The following SORCS2 variants were observed in gnomAD, a reference collection of about 807,000 sequenced individuals.
SORCS2 encodes sortilin related VPS10 domain containing receptor 2, also known as VPS10 domain-containing receptor SorCS2.
Under a neutral mutation model 141.6 loss-of-function variants are expected in SORCS2, and 100 were observed. The ratio of observed to expected loss-of-function variants is 0.71; its 90% CI spans 0.60 to 0.83. The LOEUF (loss-of-function observed/expected upper bound fraction) is 0.83. SORCS2 is among the 40% of genes least tolerant of loss of function. The pLI is 0.00. For missense variants in SORCS2, 1,646 were observed against 1,560.2 expected (o/e 1.05, Z -0.93); for synonymous variants, 789 against 676.9 (o/e 1.17, Z -2.57).
chr4:7,313,365 T>C (rs1718326174), intron 1 of SORCS2, among the ~76,000 whole-genome samples: 1 of 152,198 alleles, frequency 6.6e-6, no homozygotes, highest in Non-Finnish European at 1.5e-5. Flanking sequence ...GTCCTCCTCC[T>C]AAAGCCCTCA....
intron 2 of SORCS2, among the ~76,000 whole-genome samples, chr4:7,405,147 A>G (rs1724888913): frequency 1.3e-5 from 2 of 152,246 alleles, no homozygotes; most frequent in South Asian, 4.1e-4. Context: ...CAGCTTTGGC[A>G]AAAATGAGTT....
rs115190004 is a variant in SORCS2, at chr4:7,443,212, G to A, written c.548+46857G>A. On this transcript the variant is annotated intron_variant, in intron 2 of 26. Coordinates refer to ENST00000507866, the MANE Select transcript of SORCS2 (RefSeq NM_020777.3). The stretch of plus-strand genomic sequence containing the variant: ...CATATCTTTTTTTGGGAGGAAGGGG[G>A]CACAGTTCCACCCTCCACTGATGGA... Among the ~76,000 whole-genome samples the A allele has an allele frequency of 1.4e-3, 206 of 152,266 alleles. 1 individual carries two copies. Among genetic ancestry groups the A allele is most frequent in the African/African-American group, 4.8e-3 (200 of 41,556 alleles).
At chr4:7,356,743 G>C (rs1254232578) in intron 1 of SORCS2, among the ~76,000 whole-genome samples, 1 of 152,252 alleles carries the variant, frequency 6.6e-6, no homozygotes, top group African/African-American at 2.4e-5. Context: ...AGGCCTGGCT[G>C]TCCTGTTCAA....
rs895824773 is a variant in SORCS2 at position 7,531,518 on chromosome 4, C to G, written c.549-12C>G. The G allele has an allele frequency of 1.9e-5, 30 of 1,612,600 alleles. No individual in the cohort carries two copies. Among genetic ancestry groups the G allele is most frequent in the Non-Finnish European group, 2.2e-5 (26 of 1,179,076 alleles). On this transcript the variant is annotated splice_polypyrimidine_tract_variant and intron_variant, in intron 2 of 26. Coordinates refer to ENST00000507866, the MANE Select transcript of SORCS2 (RefSeq NM_020777.3). ...GGGTACATGGCTGACGGCTGTCCCC[C>G]TTTTCCCCCAGGTCATCAGATTTCG...
intron 3 of SORCS2, among the ~76,000 whole-genome samples, chr4:7,533,542 C>T (rs902066880): frequency 5.3e-5 from 8 of 152,238 alleles, no homozygotes; most frequent in South Asian, 2.1e-4. Context: ...GGGGACACTC[C>T]GCTCCTGTCT....
intron 3 of SORCS2, among the ~76,000 whole-genome samples, chr4:7,635,755 C>T (rs971200178): frequency 6.6e-6 from 1 of 152,196 alleles, no homozygotes; most frequent in East Asian, 1.9e-4. Context: ...AAGCACAGCT[C>T]TGAGCACACA....
intron 3 of SORCS2, among the ~76,000 whole-genome samples, chr4:7,612,233 C>T (rs999924396): frequency 2.0e-5 from 3 of 152,138 alleles, no homozygotes; most frequent in Non-Finnish European, 4.4e-5. Context: ...CAGGACACAA[C>T]AGGAATCCAA....
chr4:7,296,744 T>C (rs1717088334), intron 1 of SORCS2, among the ~76,000 whole-genome samples: 1 of 152,192 alleles, frequency 6.6e-6, no homozygotes, highest in Admixed American at 6.5e-5. Context: ...GCACCGGGCC[T>C]GTTCTTTGCA....
intron 1 of SORCS2, among the ~76,000 whole-genome samples, chr4:7,366,720 C>G (rs1291446329): frequency 6.6e-6 from 1 of 152,094 alleles, no homozygotes; most frequent in Non-Finnish European, 1.5e-5. Context: ...ATGTTTGTCA[C>G]CATCAGATGG....
At chr4:7,569,846 A>G (rs1052402466) in intron 3 of SORCS2, among the ~76,000 whole-genome samples, 5 of 152,218 alleles carry the variant, frequency 3.3e-5, no homozygotes, top group Admixed American at 6.5e-5. Flanking sequence ...AAGTGTCCTC[A>G]GCCCAAATAA....
At chr4:7,331,833 C>T (rs528643784) in intron 1 of SORCS2, among the ~76,000 whole-genome samples, 9 of 152,284 alleles carry the variant, frequency 5.9e-5, no homozygotes, top group African/African-American at 1.9e-4. Context: ...GGGAGGATGG[C>T]AGGCGCCCCA....
intron 1 of SORCS2, among the ~76,000 whole-genome samples, chr4:7,384,593 A>G (rs1012608565): frequency 1.3e-5 from 2 of 152,162 alleles, no homozygotes; most frequent in African/African-American, 4.8e-5. Context: ...CCGTGTCCAC[A>G]CCACAGGGCT....
intron 9 of SORCS2, among the ~76,000 whole-genome samples, chr4:7,677,790 G>A (rs1329272269): frequency 6.6e-6 from 1 of 152,202 alleles, no homozygotes; most frequent in Non-Finnish European, 1.5e-5. Context: ...AGACGATGCA[G>A]ATGCAGCCTC....
intron 2 of SORCS2, among the ~76,000 whole-genome samples, chr4:7,436,018 G>A (rs1245099762): frequency 6.6e-6 from 1 of 152,254 alleles, no homozygotes; most frequent in Admixed American, 6.5e-5. Flanking sequence ...CCACACATGA[G>A]GAATGCAATA....
In SORCS2 at chr4:7,704,293, G is replaced by A. The variant is rs531449071; in HGVS notation, c.1868+9G>A. ...GAGACGCTGGTCATGACGTGAGTGC[G>A]GGGACCGGGGAGTGGGCACTGGTGG... is the stretch of plus-strand genomic sequence containing the variant. On this transcript the variant is annotated intron_variant, in intron 14 of 26. Coordinates refer to ENST00000507866, the MANE Select transcript of SORCS2 (RefSeq NM_020777.3). 1.2e-5 allele frequency: 19 copies of A among 1,600,890 alleles called. No individual in the cohort carries two copies. Among genetic ancestry groups the A allele is most frequent in the Middle Eastern group, 1.7e-4 (1 of 6,026 alleles).
At chr4:7,335,498 C>T (rs146751282) in intron 1 of SORCS2, among the ~76,000 whole-genome samples, 51 of 152,292 alleles carry the variant, frequency 3.3e-4, no homozygotes, top group African/African-American at 9.6e-4. Flanking sequence ...TCTCTCTGGG[C>T]GGGCCTCACC....
chr4:7,626,867 C>G (rs1719546314), intron 3 of SORCS2, among the ~76,000 whole-genome samples: 1 of 152,196 alleles, frequency 6.6e-6, no homozygotes, highest in Non-Finnish European at 1.5e-5. Flanking sequence ...GGTGCTGGCT[C>G]AATGAATGAA....
chr4:7,687,761 C>T (rs554020010), intron 10 of SORCS2, among the ~76,000 whole-genome samples: 1 of 152,282 alleles, frequency 6.6e-6, no homozygotes, highest in East Asian at 1.9e-4. Context: ...CTTTCAAATG[C>T]ATAGTTCAGT....
intron 3 of SORCS2, among the ~76,000 whole-genome samples, chr4:7,631,870 T>G (rs1280750069): frequency 2.0e-5 from 3 of 151,474 alleles, no homozygotes; most frequent in African/African-American, 7.3e-5. Flanking sequence ...ATTTCCTGTC[T>G]TTGAGGGTGG....
Sources: allele counts gnomAD v4.1 joint callset (sites outside exome capture counted in the v4.1 genomes callset), GRCh38; gene constraint gnomAD v4.1.1; transcripts MANE v1.5; gene names NCBI Gene and HGNC (gene_info 2026-07-23, HGNC 2026-07-21).